KRT72: variants seen among roughly 807,000 people sequenced by gnomAD.
KRT72 encodes keratin 72.
A neutral mutation model predicts 44.7 loss-of-function variants in KRT72; 44 were observed. The observed-to-expected ratio is 0.98, with a 90% confidence interval of 0.77 to 1.27. The LOEUF (loss-of-function observed/expected upper bound fraction) is 1.27. KRT72 is among the 50% of genes most tolerant of loss of function. KRT72 has a pLI of 0.00. For synonymous variants in KRT72, 302 were observed against 280.4 expected (o/e 1.08, Z -0.77); for missense variants, 736 against 667.1 (o/e 1.10, Z -1.14).
At chr12:52,589,217 G>C (rs1370773733) in intron 6 of KRT72, among the ~76,000 whole-genome samples, 1 of 152,086 alleles carries the variant, frequency 6.6e-6, no homozygotes, top group Non-Finnish European at 1.5e-5. Flanking sequence ...TCACACCAAG[G>C]AAAGCAGCTG....
At position 52,601,268 on chromosome 12, in the gene KRT72, G is replaced by A; in HGVS notation, c.185C>T (p.Ala62Val). Residue 62 changes from alanine to valine, a missense_variant, in exon 1 of 9, where the codon GCT (alanine) becomes GTT (valine). By Grantham distance (64) the Ala-to-Val change is moderately conservative. Transcript: ENST00000293745. ...LGGSRSLALS[A>V]AARRGGGRLG... is the part of the protein sequence containing the mutation. ...GCGGCCGCCGCCCCGCCGTGCAGCA[G>A]CGCTGAGCGCCAGGCTTCGGCTGCC... 1 of 1,557,096 alleles carries A rather than the reference G, an allele frequency of 6.4e-7. No homozygotes were observed. Among genetic ancestry groups the A allele is most frequent in the Non-Finnish European group, 8.7e-7 (1 of 1,151,470 alleles).
chr12:52,587,859 G>A lies in KRT72; in HGVS notation c.1090-8C>T, dbSNP rs113410377. On this transcript the variant is annotated splice_polypyrimidine_tract_variant and splice_region_variant and intron_variant, in intron 6 of 8. Transcript: ENST00000293745. Reference sequence around the variant, plus strand: ...CGTCTCCAGATCGGCACACTGAGGGGCAAACAGATCCAGCACTTAAGAGTC... The same window carrying A: ...CGTCTCCAGATCGGCACACTGAGGGACAAACAGATCCAGCACTTAAGAGTC... The A allele has an allele frequency of 3.2e-4, 524 of 1,612,630 alleles. 2 individuals carry two copies. The African/African-American group carries it at 5.9e-3, about 18-fold the overall frequency.
chr12:52,598,797 C>T, intron 2 of KRT72, 101 bp downstream of exon 2: 1 of 954,222 alleles, frequency 1.0e-6, no homozygotes, highest in Non-Finnish European at 1.7e-6. Context: ...CCTCCCTCCC[C>T]CGGTATCAGC....
chr12:52,596,210 C>T (rs533961514), intron 2 of KRT72, among the ~76,000 whole-genome samples: 4 of 152,040 alleles, frequency 2.6e-5, no homozygotes, highest in East Asian at 1.9e-4. Context: ...AAAGGCATTC[C>T]GAGAACTAAA....
intron 2 of KRT72, among the ~76,000 whole-genome samples, chr12:52,597,913 A>G (rs916360893): frequency 2.6e-5 from 4 of 152,164 alleles, no homozygotes; most frequent in African/African-American, 9.7e-5. Context: ...CAGGAGCACA[A>G]AGCCACTCCA....
chr12:52,592,745 G>A, intron 3 of KRT72, 147 bp downstream of exon 3: 1 of 711,760 alleles, frequency 1.4e-6, no homozygotes. Context: ...CAAGGGACTT[G>A]GAGGGAGGGG....
intron 6 of KRT72, 143 bp from the exon 7 acceptor site, chr12:52,587,994 G>A: frequency 1.3e-6 from 1 of 763,432 alleles, no homozygotes; most frequent in Non-Finnish European, 2.1e-6. Context: ...ATCCCTAGAG[G>A]TGAGTCTGTC....
intron 4 of KRT72, among the ~76,000 whole-genome samples, chr12:52,591,965 C>T (rs1019194073): frequency 6.6e-6 from 1 of 152,176 alleles, no homozygotes; most frequent in African/African-American, 2.4e-5. Context: ...AGCACCAGTC[C>T]CTTCCCCAGG....
intron 8 of KRT72, 70 bp from the exon 9 acceptor site, chr12:52,586,242 TC>T: frequency 7.3e-7 from 1 of 1,361,144 alleles, no homozygotes; most frequent in East Asian, 2.4e-5. Context: ...TTCTTGGGCA[TC>T]TCGGGCCACC....
At chr12:52,597,622 G>A (rs1940266796) in intron 2 of KRT72, among the ~76,000 whole-genome samples, 2 of 152,112 alleles carry the variant, frequency 1.3e-5, no homozygotes, top group South Asian at 4.2e-4. Context: ...TGAGGCAAAA[G>A]ACATGAAAAT....
intron 4 of KRT72, 58 bp downstream of exon 4, chr12:52,592,338 G>T: frequency 8.0e-7 from 1 of 1,245,072 alleles, no homozygotes; most frequent in Non-Finnish European, 1.2e-6. Context: ...CCAGCCAGGG[G>T]CCAGAAACCT....
intron 2 of KRT72, 100 bp downstream of exon 2, chr12:52,598,798 C>A: frequency 1.0e-6 from 1 of 957,838 alleles, no homozygotes. Flanking sequence ...CTCCCTCCCC[C>A]GGTATCAGCA....
Position 52,599,000 on chromosome 12 carries a change from A to C in KRT72, c.539T>G (p.Ile180Ser). The C allele has an allele frequency of 6.2e-7, 1 of 1,613,982 alleles. No individual in the cohort carries two copies. The highest frequency in any genetic ancestry group is 8.5e-7 in the Non-Finnish European group (1 of 1,179,924). ...KNLEPIYEGY[I>S]SNLQKQLEML... ...CTCCAGCTGCTTCTGCAGGTTGCTGATGTAGCCCTCATAAATGGGCTCCAG... is the reference window on the plus strand; with the variant it reads ...CTCCAGCTGCTTCTGCAGGTTGCTGCTGTAGCCCTCATAAATGGGCTCCAG... The change falls in exon 2 of 9, where the codon ATC (isoleucine) becomes AGC (serine). Residue 180 changes from isoleucine to serine, a missense_variant. Ile to Ser is a moderately radical substitution (Grantham distance 142). Coordinates refer to ENST00000293745, the MANE Select transcript of KRT72 (RefSeq NM_080747.3).
At chr12:52,597,897 G>A (rs547344441) in intron 2 of KRT72, among the ~76,000 whole-genome samples, 5 of 152,284 alleles carry the variant, frequency 3.3e-5, no homozygotes, top group African/African-American at 1.2e-4. Context: ...CTAGTTCATG[G>A]TGATTCAGGA....
upstream of KRT72, chr12:52,601,573 T>A: frequency 1.0e-6 from 1 of 974,626 alleles, no homozygotes; most frequent in East Asian, 2.6e-5. Context: ...AATTTGTATG[T>A]CGACAACACC....
Position 52,585,889 on chromosome 12 carries a change from C to T in KRT72, c.*93G>A. The T allele has an allele frequency of 8.6e-7, 1 of 1,165,132 alleles. No homozygotes were observed. The highest frequency in any genetic ancestry group is 1.2e-6 in the Non-Finnish European group (1 of 802,356). 72.2% of individuals were successfully genotyped at this position (1,165,132 alleles called of 1,614,324 possible). On this transcript the variant is annotated 3_prime_UTR_variant, in exon 9 of 9. Transcript: ENST00000293745. Reference sequence around the variant, plus strand: ...GTTGGGACTGTAGTGACAGACAAAGCATTTCTTGACTTGGAAAGGGAGCCC... The same window carrying T: ...GTTGGGACTGTAGTGACAGACAAAGTATTTCTTGACTTGGAAAGGGAGCCC...
chr12:52,601,153 G>A lies in KRT72; in HGVS notation c.300C>T (p.Val100=). ...GGGCCAGGAGGCTCTTGTTGACGGT[G>A]ACCTGAGGGATGCCCCCGGGTGGGC... The part of the protein sequence containing the change: ...SVCPPGGIPQ[V]TVNKSLLAPL... The change falls in exon 1 of 9, where the codon GTC becomes GTT. Residue 100 remains valine, a synonymous_variant. Coordinates refer to ENST00000293745, the MANE Select transcript of KRT72 (RefSeq NM_080747.3). 1 of 1,613,596 alleles carries A rather than the reference G, an allele frequency of 6.2e-7. No homozygotes were observed. The highest frequency in any genetic ancestry group is 1.7e-4 in the Middle Eastern group (1 of 6,060).
At position 52,590,877 on chromosome 12, in the gene KRT72, T is replaced by G; in HGVS notation, c.1048A>C (p.Ile350Leu). 6.2e-7 allele frequency: 1 copy of G among 1,604,330 alleles called. No individual in the cohort carries two copies. Residue 350 changes from isoleucine (I) to leucine (L), a missense_variant, in exon 6 of 9, where the codon ATC (isoleucine) becomes CTC (leucine). By Grantham distance (5) the Ile-to-Leu change is conservative (BLOSUM62 2). Transcript: ENST00000293745. ...CCTATCTCTGAGCGGATCCTCTGGA[T>G]CAGGCGGTTGAGCTCAGAGATTTCA... ...KAEISELNRL[I>L]QRIRSEIGNV...
intron 2 of KRT72, among the ~76,000 whole-genome samples, chr12:52,594,090 T>C (rs898787962): frequency 3.3e-5 from 5 of 152,252 alleles, no homozygotes; most frequent in Admixed American, 1.3e-4. Flanking sequence ...TAAGGCTAGA[T>C]AGTAGCTTTT....
Sources: gnomAD v4.1 joint callset for allele counts (sites outside exome capture counted in the v4.1 genomes callset) on GRCh38, gnomAD v4.1.1 for gene constraint, MANE v1.5 for transcripts, NCBI Gene and HGNC (gene_info 2026-07-23, HGNC 2026-07-21) for gene names.